PPP2R1B: variants seen among roughly 807,000 people sequenced by gnomAD.
The protein encoded by PPP2R1B is protein phosphatase 2 scaffold subunit Abeta.
A neutral mutation model predicts 72.7 loss-of-function variants in PPP2R1B; 58 were observed. The ratio of observed to expected loss-of-function variants is 0.80; its 90% CI spans 0.65 to 0.99. The LOEUF is 0.99. Among genes scored for constraint, PPP2R1B ranks in the 50% least tolerant of loss-of-function variants. The probability of loss-of-function intolerance (pLI) is 0.00; values close to 1 mark genes in which losing one functional copy is unlikely to be tolerated. For missense variants in PPP2R1B, 695 were observed against 733.6 expected (o/e 0.95, Z 0.61); for synonymous variants, 256 against 264.6 (o/e 0.97, Z 0.32).
At chr11:111,691,661 A>G in the PPP2R1B span, among the ~76,000 whole-genome samples, 1 of 152,192 alleles carries the variant, frequency 6.6e-6, no homozygotes, top group African/African-American at 2.4e-5. Flanking sequence ...ATTCATTACA[A>G]GCAGACACAC....
At chr11:111,763,791 C>T (rs1945416450) in intron 3 of PPP2R1B, among the ~76,000 whole-genome samples, 1 of 151,702 alleles carries the variant, frequency 6.6e-6, no homozygotes, top group African/African-American at 2.4e-5. Context: ...TTTGAAATAC[C>T]TGTTTGACAT....
At chr11:111,766,110 C>A in intron 1 of PPP2R1B, 138 bp downstream of exon 1, 12 of 794,150 alleles carry the variant, frequency 1.5e-5, no homozygotes, top group Non-Finnish European at 2.4e-5. Context: ...CGGAGCATTC[C>A]CCGCCTCCCC....
downstream of PPP2R1B, among the ~76,000 whole-genome samples, chr11:111,735,631 CCAAGGGA>C (rs1424730632): frequency 6.6e-6 from 1 of 152,228 alleles, no homozygotes; most frequent in Non-Finnish European, 1.5e-5. Context: ...GCGCTCTTCA[CCAAGGGA>C]GACTGGCTCT....
chr11:111,746,861 C>T (rs1473110157), intron 11 of PPP2R1B, among the ~76,000 whole-genome samples: 1 of 152,100 alleles, frequency 6.6e-6, no homozygotes, highest in Non-Finnish European at 1.5e-5. Context: ...AGTTTGAAAA[C>T]ACTGGAAATA....
At chr11:111,697,835 A>G in the PPP2R1B span, among the ~76,000 whole-genome samples, 1 of 152,022 alleles carries the variant, frequency 6.6e-6, no homozygotes, top group African/African-American at 2.4e-5. Flanking sequence ...TACCCAAAAA[A>G]AGGAAAAGAA....
At chr11:111,765,510 A>C in intron 1 of PPP2R1B, 126 bp from the exon 2 acceptor site, 1 of 782,076 alleles carries the variant, frequency 1.3e-6, no homozygotes, top group Non-Finnish European at 2.0e-6. Context: ...TTTCATTTAG[A>C]TTTTACTGTT....
chr11:111,740,497 G>A lies in PPP2R1B; in HGVS notation c.*1099C>T. On this transcript the variant is annotated 3_prime_UTR_variant, in exon 15 of 15. Transcript: ENST00000527614. The stretch of plus-strand genomic sequence containing the variant: ...GCTTTTTAAAAAGGGCTTTAATACT[G>A]TTTAAGTAGTTCAAATAGGCTTCCT... 1.0e-6 allele frequency: 1 copy of A among 985,222 alleles called. No homozygotes were observed. Among genetic ancestry groups the A allele is most frequent in the Non-Finnish European group, 1.2e-6 (1 of 829,748 alleles). The allele number at this position is 985,222 out of a possible 1,614,324, so 61.0% of individuals were successfully genotyped here.
At position 111,738,187 on chromosome 11, in the gene PPP2R1B, T is replaced by C. The variant is rs531369916; in HGVS notation, c.*3409A>G. On this transcript the variant is annotated 3_prime_UTR_variant, in exon 15 of 15. Coordinates refer to ENST00000527614, the MANE Select transcript of PPP2R1B (RefSeq NM_002716.5). ...CACATCAGACTGCAGTCACCTCAGC[T>C]GCTAAACCAGGAGAACACTGGGCAA... The C allele has an allele frequency of 1.6e-3, 1,597 of 985,784 alleles. 2 individuals are homozygous for C. Among genetic ancestry groups the C allele is most frequent in the Middle Eastern group, 2.1e-3 (4 of 1,918 alleles). The allele number at this position is 985,784 out of a possible 1,614,324, so 61.1% of individuals were successfully genotyped here. A position where few individuals can be genotyped will look rare whatever the true frequency, so the allele number is the denominator to read the frequency against.
chr11:111,718,732 A>C, the PPP2R1B span: 1 of 152,210 alleles, frequency 6.6e-6, no homozygotes, highest in Non-Finnish European at 1.5e-5. Flanking sequence ...CTTCCAAAGG[A>C]AACAGTAGCT....
chr11:111,693,384 A>G, the PPP2R1B span, among the ~76,000 whole-genome samples: 1 of 151,972 alleles, frequency 6.6e-6, no homozygotes, highest in African/African-American at 2.4e-5. Flanking sequence ...CACCCACACC[A>G]GTGTGTACTC....
Position 111,740,044 on chromosome 11 carries a change from A to ACT in PPP2R1B, c.*1550_*1551dup. ...GTCTTAGAGGAGTCTTTGGGCCTTCACTAAACAGAACAGGACTTGTTAGAT... is the reference window on the plus strand; with the variant it reads ...GTCTTAGAGGAGTCTTTGGGCCTTCACTCTAAACAGAACAGGACTTGTTAGAT... On this transcript the variant is annotated 3_prime_UTR_variant, in exon 15 of 15. Coordinates refer to ENST00000527614, the MANE Select transcript of PPP2R1B (RefSeq NM_002716.5). The ACT allele has an allele frequency of 1.0e-6, 1 of 985,072 alleles. No individual in the cohort carries two copies. Among genetic ancestry groups the ACT allele is most frequent in the Non-Finnish European group, 1.2e-6 (1 of 829,588 alleles). 61.0% of individuals were successfully genotyped at this position (985,072 alleles called of 1,614,324 possible).
At chr11:111,702,620 G>A in the PPP2R1B span, among the ~76,000 whole-genome samples, 4 of 152,272 alleles carry the variant, frequency 2.6e-5, no homozygotes, top group Non-Finnish European at 4.4e-5. Context: ...TTAGCACAGC[G>A]CCTGCCATAT....
At chr11:111,748,521 A>G (rs1253923574) in intron 10 of PPP2R1B, among the ~76,000 whole-genome samples, 2 of 152,248 alleles carry the variant, frequency 1.3e-5, no homozygotes, top group Non-Finnish European at 2.9e-5. Flanking sequence ...AGGGAGAATA[A>G]AGCAGGCCCA....
rs1003859685 is a variant in PPP2R1B, at chr11:111,738,958, A to C, written c.*2638T>G. The C allele has an allele frequency of 1.9e-5, 19 of 984,748 alleles. No homozygotes were observed. Among genetic ancestry groups the C allele is most frequent in the Non-Finnish European group, 2.2e-5 (18 of 830,206 alleles). The allele number at this position is 984,748 out of a possible 1,614,324, so 61.0% of individuals were successfully genotyped here. A position where few individuals can be genotyped will look rare whatever the true frequency, so the allele number is the denominator to read the frequency against. ...ATTTTTCTAATCAAACAAACAACTGATGTAAGCTGCCAAGGATGAAAAACA... is the reference window on the plus strand; with the variant it reads ...ATTTTTCTAATCAAACAAACAACTGCTGTAAGCTGCCAAGGATGAAAAACA... On this transcript the variant is annotated 3_prime_UTR_variant, in exon 15 of 15. Coordinates refer to ENST00000527614, the MANE Select transcript of PPP2R1B (RefSeq NM_002716.5).
intron 15 of PPP2R1B, chr11:111,730,819 C>T (rs911322591): frequency 6.6e-5 from 10 of 152,100 alleles, no homozygotes; most frequent in African/African-American, 2.4e-4. Flanking sequence ...GTTTCCAACC[C>T]TCTTGAATTA....
the PPP2R1B span, chr11:111,712,452 G>C: frequency 6.8e-7 from 1 of 1,466,484 alleles, no homozygotes; most frequent in Non-Finnish European, 9.2e-7. Context: ...GTTGTACTTT[G>C]GCTTTATTGA....
downstream of PPP2R1B, among the ~76,000 whole-genome samples, chr11:111,733,100 A>C (rs1944242911): frequency 6.6e-6 from 1 of 152,170 alleles, no homozygotes; most frequent in African/African-American, 2.4e-5. Flanking sequence ...AGCTGTGCCC[A>C]CAAATCACTC....
At chr11:111,688,072 G>A in the PPP2R1B span, 1 of 1,614,074 alleles carries the variant, frequency 6.2e-7, no homozygotes, top group Admixed American at 1.7e-5. This position sits in a 1 kb window ranked among gnomAD's most constrained non-coding sequence, Gnocchi z 4.2. Context: ...CCTGTCTGCT[G>A]TTGATTATTG....
At chr11:111,737,047 G>A (rs1944359433), downstream of PPP2R1B, among the ~76,000 whole-genome samples, 1 of 152,194 alleles carries the variant, frequency 6.6e-6, no homozygotes, top group South Asian at 2.1e-4. Flanking sequence ...TTTTTATCTT[G>A]AATGGAAATA....
Sources: gnomAD v4.1 joint callset for allele counts (sites outside exome capture counted in the v4.1 genomes callset) on GRCh38, gnomAD v4.1.1 for gene constraint, Gnocchi (gnomAD v3.1) non-coding constraint, MANE v1.5 for transcripts, NCBI Gene and HGNC (gene_info 2026-07-23, HGNC 2026-07-21) for gene names.